Variants in SHANK2 observed in about 807,000 individuals in gnomAD.
The protein encoded by SHANK2 is SH3 and multiple ankyrin repeat domains 2.
A neutral mutation model predicts 133.7 loss-of-function variants in SHANK2; 43 were observed. The ratio of observed to expected loss-of-function variants is 0.32; its 90% confidence interval spans 0.25 to 0.41. The LOEUF is 0.41. Ranked by LOEUF, SHANK2 falls within the 10% of genes least tolerant of loss-of-function variation. The pLI is 1.00. For missense variants in SHANK2, 1,994 were observed against 2,235.8 expected, an observed-to-expected ratio of 0.89 and a Z score of 2.18; for synonymous variants, 1,017 against 952.8, an observed-to-expected ratio of 1.07 and a Z score of -1.24.
chr11:71,134,275 G>A (rs1197530352), intron 3 of SHANK2, among the ~76,000 whole-genome samples: 2 of 151,132 alleles, frequency 1.3e-5, no homozygotes, highest in East Asian at 3.9e-4. Flanking sequence ...GGGAGAGGGG[G>A]AAAGGGGAAG....
In SHANK2 at chr11:70,882,952, C is replaced by G. The variant is rs1354685289; in HGVS notation, c.1174+13549G>C. 2.0e-5 allele frequency among the ~76,000 whole-genome samples: 3 copies of G among 152,024 alleles called. No individual in the cohort carries two copies. The highest frequency in any genetic ancestry group is 7.2e-5 in the African/African-American group (3 of 41,400). On this transcript the variant is annotated intron_variant, in intron 11 of 25. Coordinates refer to ENST00000601538, the MANE Select transcript of SHANK2 (RefSeq NM_012309.5). The surrounding 1 kb of genome is among the most constrained non-coding windows in gnomAD (Gnocchi z 4.2). ...GAGGTGAGGGCGGGCTTGCCTGCGG[C>G]CTGTGGGAGGGGAGGGCAGGAGCCA...
chr11:71,182,744 T>C (rs1555113954), intron 2 of SHANK2, among the ~76,000 whole-genome samples: 1 of 152,176 alleles, frequency 6.6e-6, no homozygotes, highest in African/African-American at 2.4e-5. Context: ...ACATATTTTA[T>C]GGGGAGCGGG....
intron 3 of SHANK2, among the ~76,000 whole-genome samples, chr11:71,136,021 G>A (rs1952432618): frequency 6.6e-6 from 1 of 152,176 alleles, no homozygotes; most frequent in Non-Finnish European, 1.5e-5. Context: ...TATAGGAGCT[G>A]TAGAGATGGA....
intron 2 of SHANK2, among the ~76,000 whole-genome samples, chr11:71,181,822 C>G (rs1269404382): frequency 1.3e-5 from 2 of 150,948 alleles, no homozygotes; most frequent in Admixed American, 6.6e-5. Flanking sequence ...AGGTTCCCAG[C>G]CCCCCCTCCC....
At position 70,928,378 on chromosome 11, in the gene SHANK2, C is replaced by T. The variant is rs1435521883; in HGVS notation, c.1108-31811G>A. Reference sequence around the variant, plus strand: ...AAAGCCTTATTCAGGGCAGAACAGGCTCTTGTGGCGCACCTGGCATGGATC... The same window carrying T: ...AAAGCCTTATTCAGGGCAGAACAGGTTCTTGTGGCGCACCTGGCATGGATC... On this transcript the variant is annotated intron_variant, in intron 10 of 25. Transcript: ENST00000601538. 2.0e-5 allele frequency among the ~76,000 whole-genome samples: 3 copies of T among 152,164 alleles called. No individual in the cohort carries two copies. In the East Asian group the frequency reaches 5.8e-4, roughly 29 times the overall value.
intron 17 of SHANK2, among the ~76,000 whole-genome samples, chr11:70,638,579 C>T (rs1161878852): frequency 6.6e-6 from 1 of 152,204 alleles, no homozygotes; most frequent in African/African-American, 2.4e-5. Context: ...CCGGAAAATC[C>T]GCGGTGGCCG....
At position 70,743,394 on chromosome 11, in the gene SHANK2, C is replaced by G. The variant is rs570419555; in HGVS notation, c.1778-44631G>C. On this transcript the variant is annotated intron_variant, in intron 14 of 25. Coordinates refer to ENST00000601538, the MANE Select transcript of SHANK2 (RefSeq NM_012309.5). ...TTTGCGAGAATAGACGCCAGTACCC[C>G]TCGCCCCCCAATGCGAGCACATGGC... 2.3e-3 allele frequency among the ~76,000 whole-genome samples: 343 copies of G among 152,272 alleles called. 2 individuals carry two copies. The Middle Eastern group carries it at 0.034, about 15-fold the overall frequency.
chr11:70,872,875 C>T (rs1949492560), intron 11 of SHANK2: 2 of 379,716 alleles, frequency 5.3e-6, no homozygotes, highest in Admixed American at 3.2e-5. Flanking sequence ...AGGAAGGGAC[C>T]CCACGATGCC....
chr11:70,923,157 G>T (rs554671503), intron 10 of SHANK2, among the ~76,000 whole-genome samples: 1 of 152,180 alleles, frequency 6.6e-6, no homozygotes, highest in Non-Finnish European at 1.5e-5. Context: ...CAGTTGCATG[G>T]TCAGGAGGGG....
At chr11:70,636,032 G>A (rs1255883686) in intron 17 of SHANK2, among the ~76,000 whole-genome samples, 7 of 152,330 alleles carry the variant, frequency 4.6e-5, no homozygotes, top group South Asian at 4.1e-4. Flanking sequence ...TCACCACCCC[G>A]GTGCCCGGCC....
intron 2 of SHANK2, among the ~76,000 whole-genome samples, chr11:71,206,144 G>A (rs989973585): frequency 3.3e-5 from 5 of 152,184 alleles, no homozygotes; most frequent in African/African-American, 4.8e-5. Flanking sequence ...ACATCTGCCC[G>A]TGCTGATGGA....
chr11:70,777,548 C>G (rs1203606769), intron 14 of SHANK2, among the ~76,000 whole-genome samples: 1 of 152,118 alleles, frequency 6.6e-6, no homozygotes, highest in African/African-American at 2.4e-5. Flanking sequence ...TCCATCCATC[C>G]ATCAGAAGTA....
intron 14 of SHANK2, chr11:70,705,146 A>AATTTTTT (rs1374661215): frequency 6.6e-6 from 1 of 152,136 alleles, no homozygotes; most frequent in African/African-American, 2.4e-5. Flanking sequence ...GAGATTGGGG[A>AATTTTTT]ATTTTTTATT....
At chr11:70,769,927 G>A (rs1193786025) in intron 14 of SHANK2, among the ~76,000 whole-genome samples, 2 of 152,216 alleles carry the variant, frequency 1.3e-5, no homozygotes, top group African/African-American at 4.8e-5. Context: ...GGGTCCTGCA[G>A]GTGCTGGAGG....
At chr11:71,185,322 C>T (rs1953648105) in intron 2 of SHANK2, among the ~76,000 whole-genome samples, 1 of 152,218 alleles carries the variant, frequency 6.6e-6, no homozygotes, top group Non-Finnish European at 1.5e-5. Flanking sequence ...TGTCTACCCT[C>T]CCTACTCTCC....
chr11:71,073,147 C>CTTTTTTTTTTTTTTTTTTTGTTTTTTTTT (rs1156355131), intron 9 of SHANK2, among the ~76,000 whole-genome samples: 1 of 62,716 alleles, frequency 1.6e-5, no homozygotes. Flanking sequence ...TTTTTCTTTT[C>CTTTTTTTTTTTTTTTTTTTGTTTTTTTTT]TTTTTTTTCT....
At chr11:70,683,732 T>C (rs1351187501) in intron 15 of SHANK2, among the ~76,000 whole-genome samples, 3 of 151,842 alleles carry the variant, frequency 2.0e-5, no homozygotes, top group Admixed American at 6.6e-5. Flanking sequence ...ATCTCTCTAA[T>C]CTCTGCCTCT....
At position 70,471,445 on chromosome 11, in the gene SHANK2, ATTG is replaced by A. The variant is rs2058597265; in HGVS notation, c.*1421_*1423del. On this transcript the variant is annotated 3_prime_UTR_variant, in exon 26 of 26. Transcript: ENST00000601538. This position sits in a 1 kb window ranked among gnomAD's most constrained non-coding sequence, Gnocchi z 4.1. ...GTGACCTCTTTTGGAAATTCGAGGT[ATTG>A]TTATGGGGTGGAGGGACTCCGGGGA... is the stretch of plus-strand genomic sequence containing the variant. The A allele has an allele frequency of 2.5e-6, 1 of 398,512 alleles. No individual in the cohort carries two copies. The highest frequency in any genetic ancestry group is 2.1e-5 in the African/African-American group (1 of 48,554). 24.7% of individuals were successfully genotyped at this position (398,512 alleles called of 1,614,324 possible).
chr11:71,065,231 G>A (rs1252819797), intron 9 of SHANK2, among the ~76,000 whole-genome samples: 1 of 152,170 alleles, frequency 6.6e-6, no homozygotes, highest in Non-Finnish European at 1.5e-5. Context: ...AGCAGTGAGT[G>A]GGGAAGTTAG....
Sources: allele counts gnomAD v4.1 joint callset (sites outside exome capture counted in the v4.1 genomes callset), GRCh38; gene constraint gnomAD v4.1.1; non-coding constraint Gnocchi (gnomAD v3.1); transcripts MANE v1.5; gene names NCBI Gene and HGNC (gene_info 2026-07-23, HGNC 2026-07-21).